The following ASAP2 variants were observed in gnomAD, a reference collection of about 807,000 sequenced individuals.
ASAP2 encodes the protein ArfGAP with SH3 domain, ankyrin repeat and PH domain 2, also known as arf-GAP with SH3 domain, ANK repeat and PH domain-containing protein 2.
ASAP2 carries 45 observed loss-of-function variants against 131.4 expected under a neutral mutation model. That is an observed-to-expected ratio of 0.34 (90% confidence interval 0.27 to 0.44). The LOEUF (loss-of-function observed/expected upper bound fraction) is 0.44, where lower values mean the gene tolerates loss of function less well. ASAP2 is among the 20% of genes least tolerant of loss of function. The pLI, the probability that ASAP2 is intolerant of heterozygous loss-of-function variation, is 1.00. For missense variants in ASAP2, 1,011 were observed against 1,297.0 expected, an observed-to-expected ratio of 0.78 and a Z score of 3.39; for synonymous variants, 510 against 503.0, an observed-to-expected ratio of 1.01 and a Z score of -0.19.
chr2:9,315,397 G>A (rs187657982), intron 3 of ASAP2, among the ~76,000 whole-genome samples: 5 of 152,298 alleles, frequency 3.3e-5, no homozygotes, highest in East Asian at 3.9e-4. Flanking sequence ...GTTGGAAGAC[G>A]GGTCTGCGTA....
At chr2:9,280,218 C>T (rs1280510366) in intron 2 of ASAP2, among the ~76,000 whole-genome samples, 1 of 152,210 alleles carries the variant, frequency 6.6e-6, no homozygotes, top group Non-Finnish European at 1.5e-5. Context: ...TTCATCTATA[C>T]TGTGTCCCCT....
chr2:9,217,844 G>C lies in ASAP2; in HGVS notation c.126+10614G>C, dbSNP rs1662160844. ...TTAGCCAGGATGGTCTTGATCTCCT[G>C]ACCTCGTGAGGCACCCACCTCGGCT... On this transcript the variant is annotated intron_variant, in intron 1 of 27. Transcript: ENST00000281419. The surrounding 1 kb of genome is among the most constrained non-coding windows in gnomAD (Gnocchi z 4.0). Among the ~76,000 whole-genome samples, 2 of 151,310 alleles carry C rather than the reference G, an allele frequency of 1.3e-5. No homozygotes were observed. Among genetic ancestry groups the C allele is most frequent in the Admixed American group, 6.6e-5 (1 of 15,222 alleles).
chr2:9,317,848 C>T (rs1171587487), intron 3 of ASAP2, among the ~76,000 whole-genome samples: 1 of 152,126 alleles, frequency 6.6e-6, no homozygotes, highest in Non-Finnish European at 1.5e-5. Flanking sequence ...TGCTCCCTCA[C>T]ACACCTACAC....
chr2:9,384,721 C>T (rs1675127459), intron 20 of ASAP2, among the ~76,000 whole-genome samples: 1 of 152,192 alleles, frequency 6.6e-6, no homozygotes, highest in Non-Finnish European at 1.5e-5. Flanking sequence ...CCATGCCCTC[C>T]CTGGGTGCCA....
intron 12 of ASAP2, 144 bp downstream of exon 12, chr2:9,351,039 G>A (rs1282433015): frequency 5.0e-6 from 3 of 600,092 alleles, no homozygotes; most frequent in Admixed American, 3.3e-5. Flanking sequence ...CGTGCTTTGT[G>A]TTCCATTAGT....
chr2:9,347,828 A>G (rs1277523165), intron 11 of ASAP2, among the ~76,000 whole-genome samples: 1 of 152,210 alleles, frequency 6.6e-6, no homozygotes, highest in East Asian at 1.9e-4. Flanking sequence ...GCTCTTACAC[A>G]ATCTAAAATT....
chr2:9,352,212 A>AACAC (rs58275721), intron 12 of ASAP2, among the ~76,000 whole-genome samples: 2,892 of 150,030 alleles, frequency 0.019, 64 homozygotes, highest in African/African-American at 0.051. Context: ...AACACACACA[A>AACAC]ACACACACAC....
rs1025236123 is a variant in ASAP2, at chr2:9,405,187, G to A, written c.*1860G>A. On this transcript the variant is annotated 3_prime_UTR_variant, in exon 28 of 28. Transcript: ENST00000281419. ...TTCCAGTCTACAATTTGGTGCTATT[G>A]TGCAGTAACTAATAGTACTCTTACC... 6.6e-6 allele frequency: 1 copy of A among 152,166 alleles called. No homozygotes were observed. Among genetic ancestry groups the A allele is most frequent in the Non-Finnish European group, 1.5e-5 (1 of 68,030 alleles). The allele number at this position is 152,166 out of a possible 1,614,324, so 9.4% of individuals were successfully genotyped here. A position where few individuals can be genotyped will look rare whatever the true frequency, so the allele number is the denominator to read the frequency against.
intron 12 of ASAP2, among the ~76,000 whole-genome samples, chr2:9,353,266 C>A (rs964016699): frequency 6.6e-6 from 1 of 152,096 alleles, no homozygotes; most frequent in Non-Finnish European, 1.5e-5. Flanking sequence ...TCTCAAGATG[C>A]TTTTGAACTG....
At chr2:9,325,772 G>A (rs1670439644) in intron 6 of ASAP2, among the ~76,000 whole-genome samples, 1 of 151,386 alleles carries the variant, frequency 6.6e-6, no homozygotes, top group South Asian at 2.1e-4. Flanking sequence ...CTAAGTCATA[G>A]ACTTGAGCCA....
At chr2:9,371,255 C>T (rs182942864) in intron 16 of ASAP2, among the ~76,000 whole-genome samples, 1 of 152,356 alleles carries the variant, frequency 6.6e-6, no homozygotes, top group East Asian at 1.9e-4. Context: ...TCCTTCTCAA[C>T]TGAAATTACT....
chr2:9,307,930 G>A (rs942487857), intron 3 of ASAP2, among the ~76,000 whole-genome samples: 1 of 152,130 alleles, frequency 6.6e-6, no homozygotes, highest in African/African-American at 2.4e-5. Context: ...ACGGGAGTGT[G>A]TGCATACGTG....
chr2:9,227,578 A>T (rs191500623), intron 1 of ASAP2, among the ~76,000 whole-genome samples: 4 of 152,324 alleles, frequency 2.6e-5, no homozygotes, highest in African/African-American at 9.6e-5. Context: ...ACAGCATCAC[A>T]GAGGTTTAAC....
At position 9,351,027 on chromosome 2, in the gene ASAP2, T is replaced by C; in HGVS notation, c.1111+132T>C. 7 of 635,718 alleles carry C rather than the reference T, an allele frequency of 1.1e-5. 1 individual carries two copies. The highest frequency in any genetic ancestry group is 1.0e-5 in the Non-Finnish European group (4 of 398,138). 39.4% of individuals were successfully genotyped at this position (635,718 alleles called of 1,614,324 possible). A position where few individuals can be genotyped will look rare whatever the true frequency, so the allele number is the denominator to read the frequency against. ...GAGACATACCCTTTTTCTAGTGATA[T>C]GCGTGCTTTGTGTTCCATTAGTAAC... On this transcript the variant is annotated intron_variant, in intron 12 of 27. Transcript: ENST00000281419.
chr2:9,373,152 C>T (rs1042870695), intron 16 of ASAP2, among the ~76,000 whole-genome samples: 3 of 152,068 alleles, frequency 2.0e-5, no homozygotes, highest in Non-Finnish European at 2.9e-5. Flanking sequence ...TTGAGGCACC[C>T]GCCTTAACCT....
rs1670817429 is a variant in ASAP2 at position 9,331,209 on chromosome 2, C to G, written c.686+3298C>G. On this transcript the variant is annotated intron_variant, in intron 7 of 27. Coordinates refer to ENST00000281419, the MANE Select transcript of ASAP2 (RefSeq NM_003887.3). ...CAGGGTGAAGAGGCCACTGTGTAAACCAGATTCCAGGGCTCAGGTTTGGCT... is the reference window on the plus strand; with the variant it reads ...CAGGGTGAAGAGGCCACTGTGTAAAGCAGATTCCAGGGCTCAGGTTTGGCT... Among the ~76,000 whole-genome samples the G allele has an allele frequency of 2.0e-5, 3 of 152,250 alleles. No homozygotes were observed. The South Asian group carries it at 6.2e-4, about 31-fold the overall frequency.
chr2:9,241,781 C>A (rs1290511009), intron 1 of ASAP2, among the ~76,000 whole-genome samples: 2 of 152,138 alleles, frequency 1.3e-5, no homozygotes, highest in African/African-American at 4.8e-5. Context: ...TGTGCTAAGT[C>A]AAGGAAAGCG....
chr2:9,284,858 A>G (rs1374171520), intron 2 of ASAP2, among the ~76,000 whole-genome samples: 1 of 152,186 alleles, frequency 6.6e-6, no homozygotes, highest in Non-Finnish European at 1.5e-5. Context: ...CAGGCCCTGT[A>G]TTCTATTCTT....
chr2:9,310,102 C>T (rs1053928639), intron 3 of ASAP2, among the ~76,000 whole-genome samples: 1 of 152,206 alleles, frequency 6.6e-6, no homozygotes, highest in African/African-American at 2.4e-5. Flanking sequence ...AACTGCCCAC[C>T]CTTAGACAAG....
Sources: gnomAD v4.1 joint callset for allele counts (sites outside exome capture counted in the v4.1 genomes callset) on GRCh38, gnomAD v4.1.1 for gene constraint, Gnocchi (gnomAD v3.1) non-coding constraint, MANE v1.5 for transcripts, NCBI Gene and HGNC (gene_info 2026-07-23, HGNC 2026-07-21) for gene names.